Variants in NCOR1 observed in about 807,000 individuals in gnomAD.
NCOR1 encodes nuclear receptor corepressor 1.
In NCOR1, 63 loss-of-function variants were observed where a neutral mutation model predicts 288.1. The ratio of observed to expected loss-of-function variants is 0.22; its 90% CI spans 0.18 to 0.27. The LOEUF (loss-of-function observed/expected upper bound fraction) is 0.27, where lower values mean the gene tolerates loss of function less well. Among genes scored for constraint, NCOR1 ranks in the 10% least tolerant of loss-of-function variants. The pLI, the probability that NCOR1 is intolerant of heterozygous loss-of-function variation, is 1.00. For synonymous variants in NCOR1, 1,007 were observed against 1,065.9 expected (o/e 0.94, Z 1.08); for missense variants, 2,397 against 3,019.2 (o/e 0.79, Z 4.83).
At chr17:16,167,190 A>G (rs1164261317) in intron 4 of NCOR1, among the ~76,000 whole-genome samples, 3 of 152,232 alleles carry the variant, frequency 2.0e-5, no homozygotes, top group Admixed American at 6.5e-5. Flanking sequence ...TTACAAATGA[A>G]TATTTTCCAC....
At chr17:16,068,206 A>G in intron 31 of NCOR1, 85 bp from the exon 32 acceptor site, 14 of 1,100,248 alleles carry the variant, frequency 1.3e-5, no homozygotes, top group Non-Finnish European at 1.9e-5. Flanking sequence ...ATTCAAATAA[A>G]GACTATATTC....
At chr17:16,080,543 G>T (rs576532564) in intron 24 of NCOR1, 34 bp from the exon 25 acceptor site, 9 of 1,613,950 alleles carry the variant, frequency 5.6e-6, no homozygotes, top group African/African-American at 1.3e-5. Context: ...AAACAATCCA[G>T]TACTAAATTA....
rs369829024 is a variant in NCOR1, at chr17:16,060,062, C to T, written c.5881+1339G>A. ...CTCAGTAGAAAGTCGGAATCCAAAC[C>T]GTGTTCACATTGTTCTTGAAGCCTT... On this transcript the variant is annotated intron_variant, in intron 37 of 45. Coordinates refer to ENST00000268712, the MANE Select transcript of NCOR1 (RefSeq NM_006311.4). 4.6e-5 allele frequency among the ~76,000 whole-genome samples: 7 copies of T among 152,260 alleles called. No homozygotes were observed. In the South Asian group the frequency reaches 8.3e-4, roughly 18 times the overall value.
chr17:16,213,426 A>G (rs2153630233), intron 1 of NCOR1, among the ~76,000 whole-genome samples: 1 of 140,928 alleles, frequency 7.1e-6, no homozygotes, highest in Non-Finnish European at 1.5e-5. Context: ...CCGGAGGCGG[A>G]GGTTGCAATG....
At position 16,080,060 on chromosome 17, in the gene NCOR1, G is replaced by A. The variant is rs752964070; in HGVS notation, c.3405C>T (p.Thr1135=). ...TACTTCCTTCTTGTATGGCTCCTGC[G>A]GTACCTGAATACAAACAAAGCTATT... is the stretch of plus-strand genomic sequence containing the variant. ...RAQHEGVVRG[T]AGAIQEGSIT... The change falls in exon 26 of 46, where the codon ACC becomes ACT. Residue 1135 remains threonine (T), a synonymous_variant. Coordinates refer to ENST00000268712, the MANE Select transcript of NCOR1 (RefSeq NM_006311.4). The A allele has an allele frequency of 5.6e-6, 9 of 1,613,210 alleles. No homozygotes were observed. The Admixed American group carries it at 6.7e-5, about 12-fold the overall frequency.
At chr17:16,143,496 T>C (rs2077432256) in intron 11 of NCOR1, 110 bp downstream of exon 11, 2 of 776,120 alleles carry the variant, frequency 2.6e-6, no homozygotes, top group East Asian at 2.7e-5. Context: ...GTCTAAACTC[T>C]AGCACTCAAT....
At chr17:16,199,213 A>AAAAC (rs1555813710) in intron 1 of NCOR1, among the ~76,000 whole-genome samples, 2 of 112,308 alleles carry the variant, frequency 1.8e-5, no homozygotes, top group Admixed American at 9.6e-5. Context: ...GGAAAAAAAA[A>AAAAC]AAAACACACA....
chr17:16,118,138 T>A, intron 17 of NCOR1, 111 bp from the exon 18 acceptor site: 1 of 1,107,090 alleles, frequency 9.0e-7, no homozygotes. Flanking sequence ...ACACTAGAAG[T>A]GTGCTTTCAA....
chr17:16,158,648 G>C, intron 6 of NCOR1, 112 bp downstream of exon 6: 1 of 577,298 alleles, frequency 1.7e-6, no homozygotes, highest in Non-Finnish European at 2.9e-6. Flanking sequence ...AAAATTGTAA[G>C]AGAAATCAGG....
chr17:16,085,273 C>A (rs1041176854), intron 23 of NCOR1, among the ~76,000 whole-genome samples: 3 of 152,160 alleles, frequency 2.0e-5, no homozygotes, highest in African/African-American at 7.2e-5. Flanking sequence ...TTGACAACAG[C>A]AAATGGAGCA....
intron 42 of NCOR1, chr17:16,041,155 A>G (rs960877358): frequency 4.6e-5 from 7 of 152,268 alleles, no homozygotes; most frequent in African/African-American, 1.7e-4. Context: ...TTGCTGGAAA[A>G]AACAAAAGAC....
chr17:16,159,064 C>A (rs1352061702), intron 5 of NCOR1, among the ~76,000 whole-genome samples, 191 bp from the exon 6 acceptor site: 2 of 143,028 alleles, frequency 1.4e-5, no homozygotes, highest in African/African-American at 2.7e-5. Flanking sequence ...CCAAACAACA[C>A]AAATTTTCAT....
chr17:16,082,573 A>G (rs1277248738), intron 23 of NCOR1, among the ~76,000 whole-genome samples: 1 of 151,984 alleles, frequency 6.6e-6, no homozygotes, highest in Admixed American at 6.6e-5. Context: ...AAAAAAATTA[A>G]AAGCCAGGCA....
intron 18 of NCOR1, among the ~76,000 whole-genome samples, chr17:16,113,052 A>C (rs1270719330): frequency 6.6e-6 from 1 of 151,804 alleles, no homozygotes; most frequent in Non-Finnish European, 1.5e-5. Context: ...CTGGGACTAC[A>C]GGCACCCACC....
chr17:16,054,919 A>T (rs1322320687), intron 40 of NCOR1, among the ~76,000 whole-genome samples: 1 of 152,174 alleles, frequency 6.6e-6, no homozygotes, highest in Non-Finnish European at 1.5e-5. Flanking sequence ...GCAACAGGGC[A>T]AGACTCTGTT....
Position 16,127,337 on chromosome 17 carries a change from A to G in NCOR1, c.1510-1131T>C, listed in dbSNP as rs62636956. On this transcript the variant is annotated intron_variant, in intron 14 of 45. Transcript: ENST00000268712. ...TGTATGTATATATGTATGTATATAT[A>G]CATGTATGTATATATGTATGTATAT... Among the ~76,000 whole-genome samples the G allele has an allele frequency of 1.4e-4, 7 of 51,720 alleles. 3 individuals carry two copies. The highest frequency in any genetic ancestry group is 8.3e-4 in the South Asian group (2 of 2,400). The allele number at this position is 51,720 out of a possible 152,430, so 33.9% of individuals were successfully genotyped here. A position where few individuals can be genotyped will look rare whatever the true frequency, so the allele number is the denominator to read the frequency against.
chr17:16,091,301 CCTTAA>C (rs766261482), intron 22 of NCOR1, among the ~76,000 whole-genome samples: 5 of 152,324 alleles, frequency 3.3e-5, no homozygotes, highest in Non-Finnish European at 5.9e-5. Context: ...AATGCTCCTT[CCTTAA>C]CTTTACAACC....
chr17:16,183,241 A>AG (rs960680334), intron 3 of NCOR1, among the ~76,000 whole-genome samples: 1 of 150,510 alleles, frequency 6.6e-6, no homozygotes, highest in African/African-American at 2.4e-5. Context: ...AAAAAAAAAA[A>AG]AAAAGAAAAG....
chr17:16,090,907 T>G (rs1229004980), intron 22 of NCOR1, among the ~76,000 whole-genome samples: 1 of 152,208 alleles, frequency 6.6e-6, no homozygotes, highest in Non-Finnish European at 1.5e-5. Context: ...AATAAAGTAC[T>G]GTAAAGAATC....
Sources: allele counts gnomAD v4.1 joint callset (sites outside exome capture counted in the v4.1 genomes callset), GRCh38; gene constraint gnomAD v4.1.1; transcripts MANE v1.5; gene names NCBI Gene and HGNC (gene_info 2026-07-23, HGNC 2026-07-21).